USP3: variants seen among roughly 807,000 people sequenced by gnomAD.
USP3 encodes the protein ubiquitin carboxyl-terminal hydrolase 3.
Under a neutral mutation model 72.3 loss-of-function variants are expected in USP3, and 20 were observed. The observed-to-expected ratio is 0.28, with a 90% confidence interval of 0.19 to 0.40. The LOEUF (loss-of-function observed/expected upper bound fraction) is 0.40. USP3 is among the 10% of genes least tolerant of loss of function. The pLI, the probability that USP3 is intolerant of heterozygous loss-of-function variation, is 1.00. For synonymous variants in USP3, 222 were observed against 225.3 expected, an observed-to-expected ratio of 0.99 and a Z score of 0.13; for missense variants, 479 against 633.9, an observed-to-expected ratio of 0.76 and a Z score of 2.62.
intron 3 of USP3, among the ~76,000 whole-genome samples, chr15:63,549,689 A>G (rs968714735): frequency 2.0e-5 from 3 of 152,240 alleles, no homozygotes; most frequent in Non-Finnish European, 4.4e-5. Flanking sequence ...TAGGTCATGA[A>G]TAAGCTTTTT....
intron 8 of USP3, among the ~76,000 whole-genome samples, chr15:63,568,216 G>C (rs1170713329): frequency 6.6e-6 from 1 of 152,132 alleles, no homozygotes; most frequent in South Asian, 2.1e-4. Flanking sequence ...GCTGGGCGTG[G>C]TGGCACGTGC....
chr15:63,564,125 C>A (rs2066649949), intron 8 of USP3, among the ~76,000 whole-genome samples: 1 of 152,168 alleles, frequency 6.6e-6, no homozygotes, highest in African/African-American at 2.4e-5. Flanking sequence ...ACCTAGTAGA[C>A]TCTTGATAGA....
rs2066824718 is a variant in USP3 at position 63,574,218 on chromosome 15, AAAT to A, written c.1015+69_1015+71del. 7.1e-7 allele frequency: 1 copy of A among 1,403,352 alleles called. No individual in the cohort carries two copies. Among genetic ancestry groups the A allele is most frequent in the South Asian group, 1.6e-5 (1 of 62,334 alleles). The allele number at this position is 1,403,352 out of a possible 1,614,324, so 86.9% of individuals were successfully genotyped here. ...AAATAAATTTAATGTTTCCTTCAAA[AAAT>A]AAGTGTAAAGAGAAATCTAGAAATA... On this transcript the variant is annotated intron_variant, in intron 10 of 14. Coordinates refer to ENST00000380324, the MANE Select transcript of USP3 (RefSeq NM_006537.4). This position sits in a 1 kb window ranked among gnomAD's most constrained non-coding sequence, Gnocchi z 4.6.
At chr15:63,512,772 A>G (rs1036190449) in intron 1 of USP3, among the ~76,000 whole-genome samples, 1 of 152,196 alleles carries the variant, frequency 6.6e-6, no homozygotes, top group African/African-American at 2.4e-5. Flanking sequence ...AAGGAAGTGT[A>G]TCTTTTCAGT....
chr15:63,518,630 A>G (rs1479728814), intron 1 of USP3, among the ~76,000 whole-genome samples: 1 of 152,224 alleles, frequency 6.6e-6, no homozygotes, highest in African/African-American at 2.4e-5. Context: ...ACTTCCGTAT[A>G]CTTAGATTTG....
At chr15:63,535,014 C>G (rs1437993077) in intron 2 of USP3, among the ~76,000 whole-genome samples, 2 of 152,040 alleles carry the variant, frequency 1.3e-5, no homozygotes, top group Non-Finnish European at 2.9e-5. Flanking sequence ...TCACTGCAAC[C>G]TCTGCCTCCT....
intron 3 of USP3, among the ~76,000 whole-genome samples, chr15:63,540,435 G>C (rs1431114272): frequency 2.6e-5 from 4 of 152,174 alleles, no homozygotes; most frequent in Non-Finnish European, 5.9e-5. Flanking sequence ...TGCAGTGTCT[G>C]GTGCAGAGTA....
chr15:63,507,470 T>G (rs780197171), intron 1 of USP3, among the ~76,000 whole-genome samples: 9 of 152,216 alleles, frequency 5.9e-5, no homozygotes, highest in Non-Finnish European at 1.0e-4. Flanking sequence ...GTGAAAACTT[T>G]GAGAAACTTG....
intron 1 of USP3, among the ~76,000 whole-genome samples, chr15:63,512,393 T>C (rs1165558893): frequency 6.6e-6 from 1 of 151,194 alleles, no homozygotes; most frequent in Non-Finnish European, 1.5e-5. Flanking sequence ...TTTTTCTTCT[T>C]TCTTCCTTCT....
rs2066328469 is a variant in USP3, at chr15:63,546,420, A to G, written c.285-7295A>G. On this transcript the variant is annotated intron_variant, in intron 3 of 14. Coordinates refer to ENST00000380324, the MANE Select transcript of USP3 (RefSeq NM_006537.4). ...TTGAAACACAACCTATGAGTTACGT[A>G]CTTTTTTGTACCACTTATTCTGGCA... is the stretch of plus-strand genomic sequence containing the variant. 1.3e-5 allele frequency among the ~76,000 whole-genome samples: 2 copies of G among 151,882 alleles called. 1 individual carries two copies. The highest frequency in any genetic ancestry group is 4.1e-4 in the South Asian group (2 of 4,834).
intron 1 of USP3, among the ~76,000 whole-genome samples, chr15:63,505,293 G>C (rs1414686774): frequency 6.6e-6 from 1 of 152,150 alleles, no homozygotes; most frequent in Non-Finnish European, 1.5e-5. Context: ...TCCGGGCGCA[G>C]CTTTGTCTGG....
chr15:63,568,171 G>C (rs544980270), intron 8 of USP3, among the ~76,000 whole-genome samples: 150 of 152,146 alleles, frequency 9.9e-4, no homozygotes, highest in Admixed American at 3.2e-3. Context: ...GGTCAACATG[G>C]TGAAACCCCG....
chr15:63,532,491 G>A (rs1217410270), intron 1 of USP3, 156 bp from the exon 2 acceptor site: 2 of 757,010 alleles, frequency 2.6e-6, no homozygotes, highest in African/African-American at 3.5e-5. Context: ...ACTTAATTAG[G>A]CAGCCATTTT....
intron 11 of USP3, among the ~76,000 whole-genome samples, chr15:63,583,831 C>A (rs1259566197): frequency 6.6e-6 from 1 of 152,172 alleles, no homozygotes; most frequent in Non-Finnish European, 1.5e-5. Context: ...TTAATATTCT[C>A]TGGTATGTAT....
chr15:63,532,088 C>G (rs753728296), intron 1 of USP3, among the ~76,000 whole-genome samples: 1 of 152,152 alleles, frequency 6.6e-6, no homozygotes, highest in Non-Finnish European at 1.5e-5. Flanking sequence ...AATACATCAA[C>G]TAAAATCATT....
At chr15:63,512,332 TTCC>T (rs1486367035) in intron 1 of USP3, among the ~76,000 whole-genome samples, 2 of 101,938 alleles carry the variant, frequency 2.0e-5, no homozygotes, top group Non-Finnish European at 4.3e-5. Context: ...CTTCTTCCTC[TTCC>T]TCCTCTTCCT....
intron 1 of USP3, among the ~76,000 whole-genome samples, chr15:63,520,068 C>T (rs1168938938): frequency 6.6e-6 from 1 of 152,084 alleles, no homozygotes; most frequent in Non-Finnish European, 1.5e-5. Flanking sequence ...CCAAGTAGCC[C>T]TCATTCTTTT....
At chr15:63,555,006 T>C (rs550937468) in intron 4 of USP3, among the ~76,000 whole-genome samples, 1 of 152,338 alleles carries the variant, frequency 6.6e-6, no homozygotes, top group Non-Finnish European at 1.5e-5. Context: ...AGTATCACTC[T>C]TTGGTGTGGT....
At chr15:63,516,307 A>G (rs1012787617) in intron 1 of USP3, among the ~76,000 whole-genome samples, 1 of 152,166 alleles carries the variant, frequency 6.6e-6, no homozygotes, top group Admixed American at 6.5e-5. Context: ...CTCTGCTGTC[A>G]TTTGAAATAG....
Sources: gnomAD v4.1 joint callset for allele counts (sites outside exome capture counted in the v4.1 genomes callset) on GRCh38, gnomAD v4.1.1 for gene constraint, Gnocchi (gnomAD v3.1) non-coding constraint, MANE v1.5 for transcripts, NCBI Gene and HGNC (gene_info 2026-07-23, HGNC 2026-07-21) for gene names.